CDC37L1: variants seen among roughly 807,000 people sequenced by gnomAD.
The protein encoded by CDC37L1 is cell division cycle 37 like 1, HSP90 cochaperone, also known as hsp90 co-chaperone Cdc37-like 1.
In CDC37L1, 32 loss-of-function variants were observed where a neutral mutation model predicts 45.9. That is an observed-to-expected ratio of 0.70 (90% confidence interval 0.53 to 0.94). CDC37L1 has a LOEUF of 0.94. Ranked by LOEUF, CDC37L1 falls within the 40% of genes least tolerant of loss-of-function variation. The pLI is 0.00. For synonymous variants in CDC37L1, 150 were observed against 133.0 expected (o/e 1.13, Z -0.88); for missense variants, 434 against 405.7 (o/e 1.07, Z -0.60).
At chr9:4,684,570 G>A (rs909410843) in intron 1 of CDC37L1, among the ~76,000 whole-genome samples, 1 of 152,172 alleles carries the variant, frequency 6.6e-6, no homozygotes, top group Non-Finnish European at 1.5e-5. Flanking sequence ...TATTCTGCTT[G>A]TTCAGGATTA....
At position 4,679,576 on chromosome 9, in the gene CDC37L1, C is replaced by T. The variant is rs898508898; in HGVS notation, c.-192C>T. On this transcript the variant is annotated 5_prime_UTR_variant, in exon 1 of 7. Coordinates refer to ENST00000381854, the MANE Select transcript of CDC37L1 (RefSeq NM_017913.4). ...GCACCGCGCCGACTATTTCTTCCGC[C>T]GTCCGCCGGTGGCGAGGCCCAGGCT... 2.7e-5 allele frequency: 14 copies of T among 517,722 alleles called. No individual in the cohort carries two copies. The highest frequency in any genetic ancestry group is 3.8e-5 in the Non-Finnish European group (11 of 288,956). The allele number at this position is 517,722 out of a possible 1,614,324, so 32.1% of individuals were successfully genotyped here.
chr9:4,693,373 G>T (rs567576614), intron 3 of CDC37L1, among the ~76,000 whole-genome samples: 1 of 152,162 alleles, frequency 6.6e-6, no homozygotes, highest in East Asian at 1.9e-4. Flanking sequence ...AGCCCAGGAG[G>T]TTGAGGCTGC....
At chr9:4,697,025 G>T (rs1841353948) in intron 3 of CDC37L1, 71 bp from the exon 4 acceptor site, 2 of 701,410 alleles carry the variant, frequency 2.9e-6, no homozygotes, top group African/African-American at 3.6e-5. Flanking sequence ...AATTAAGAAT[G>T]GTTGGTATTT....
intron 2 of CDC37L1, 175 bp downstream of exon 2, chr9:4,685,333 G>C (rs1407656069): frequency 5.3e-6 from 3 of 562,252 alleles, no homozygotes. Context: ...AGCTCTTGCT[G>C]TAGAGCTGCA....
intron 3 of CDC37L1, among the ~76,000 whole-genome samples, chr9:4,690,794 T>TA (rs1316326003): frequency 2.6e-5 from 4 of 152,214 alleles, no homozygotes; most frequent in African/African-American, 9.6e-5. Context: ...TCAAAGGAGA[T>TA]ATATTACTTG....
intron 2 of CDC37L1, among the ~76,000 whole-genome samples, chr9:4,686,584 C>G (rs560420577): frequency 6.6e-6 from 1 of 152,282 alleles, no homozygotes. Flanking sequence ...ACAGTGGTCA[C>G]AAAGAAAATA....
chr9:4,702,957 G>T (rs979270412), intron 6 of CDC37L1: 3 of 633,444 alleles, frequency 4.7e-6, no homozygotes, highest in Non-Finnish European at 6.9e-6. Flanking sequence ...TCAAAAAGGA[G>T]ACATGATCAG....
Position 4,679,661 on chromosome 9 carries a change from C to T in CDC37L1, c.-107C>T. On this transcript the variant is annotated 5_prime_UTR_variant, in exon 1 of 7. Transcript: ENST00000381854. ...AGGGATTCTGGGTAACGGCCCGGACCCCCGGCTGGGCTTCTGGCTCGGCGC... is the reference window on the plus strand; with the variant it reads ...AGGGATTCTGGGTAACGGCCCGGACTCCCGGCTGGGCTTCTGGCTCGGCGC... 9.3e-7 allele frequency: 1 copy of T among 1,072,856 alleles called. No homozygotes were observed. Among genetic ancestry groups the T allele is most frequent in the Non-Finnish European group, 1.3e-6 (1 of 766,338 alleles). 66.5% of individuals were successfully genotyped at this position (1,072,856 alleles called of 1,614,324 possible). A position where few individuals can be genotyped will look rare whatever the true frequency, so the allele number is the denominator to read the frequency against.
intron 3 of CDC37L1, among the ~76,000 whole-genome samples, chr9:4,696,218 T>C (rs373626703): frequency 3.3e-5 from 5 of 152,238 alleles, no homozygotes; most frequent in African/African-American, 1.2e-4. Context: ...GAATTAAATA[T>C]ATAGGAGTTC....
chr9:4,699,697 A>T (rs547376073), intron 5 of CDC37L1, among the ~76,000 whole-genome samples: 25 of 152,306 alleles, frequency 1.6e-4, no homozygotes, highest in African/African-American at 6.0e-4. Flanking sequence ...AATAATGATA[A>T]CCTCAGGGAG....
intron 3 of CDC37L1, among the ~76,000 whole-genome samples, chr9:4,695,110 G>T (rs147615678): frequency 1.6e-4 from 25 of 152,324 alleles, no homozygotes; most frequent in Admixed American, 4.6e-4. Flanking sequence ...AGGCAAAACT[G>T]CTTCATAGGA....
At chr9:4,681,402 C>G (rs560632463) in intron 1 of CDC37L1, among the ~76,000 whole-genome samples, 1 of 152,242 alleles carries the variant, frequency 6.6e-6, no homozygotes, top group East Asian at 1.9e-4. Flanking sequence ...GACTCCTAGT[C>G]CAGTATATTT....
At chr9:4,680,122 C>T (rs1841175939) in intron 1 of CDC37L1, among the ~76,000 whole-genome samples, 1 of 152,216 alleles carries the variant, frequency 6.6e-6, no homozygotes, top group African/African-American at 2.4e-5. Context: ...CCTCCACGCA[C>T]ATGTTTTCTT....
intron 4 of CDC37L1, 97 bp downstream of exon 4, chr9:4,697,308 T>C: frequency 1.5e-6 from 1 of 668,152 alleles, no homozygotes; most frequent in Non-Finnish European, 2.6e-6. Context: ...TTAAGTCCTT[T>C]AAAAGAAAGC....
chr9:4,697,253 A>G (rs760224663), intron 4 of CDC37L1, 42 bp downstream of exon 4: 2 of 872,868 alleles, frequency 2.3e-6, no homozygotes, highest in African/African-American at 1.7e-5. Context: ...ACCTTAGTGG[A>G]AATCTGATTT....
Position 4,682,368 on chromosome 9 carries a change from C to T in CDC37L1, c.132+2469C>T, listed in dbSNP as rs193094350. ...TTGAGATGGAGTCTCGCTGTGTCAC[C>T]CAGGCTGGAGTGCAGTGGTGCAATC... On this transcript the variant is annotated intron_variant, in intron 1 of 6. Transcript: ENST00000381854. Among the ~76,000 whole-genome samples the T allele has an allele frequency of 2.3e-3, 307 of 131,414 alleles. 3 individuals are homozygous for T. The highest frequency in any genetic ancestry group is 8.5e-3 in the Middle Eastern group (2 of 234). The allele number at this position is 131,414 out of a possible 152,430, so 86.2% of individuals were successfully genotyped here.
At chr9:4,704,480 C>G (rs1447150729) in intron 6 of CDC37L1, among the ~76,000 whole-genome samples, 2 of 152,160 alleles carry the variant, frequency 1.3e-5, no homozygotes, top group South Asian at 2.1e-4. Flanking sequence ...ATGATAGTAT[C>G]TTACAGTTCT....
intron 2 of CDC37L1, 75 bp from the exon 3 acceptor site, chr9:4,688,438 A>T: frequency 1.3e-6 from 1 of 796,096 alleles, no homozygotes; most frequent in Non-Finnish European, 1.9e-6. Context: ...AAGAATTGCT[A>T]GATATTCAGT....
intron 2 of CDC37L1, among the ~76,000 whole-genome samples, chr9:4,687,678 CAAAAAAAAAA>C (rs59932144): frequency 3.4e-5 from 2 of 58,410 alleles, no homozygotes; most frequent in African/African-American, 5.1e-5. Context: ...GACCCCATCT[CAAAAAAAAAA>C]AAAAAAAAAA....
Sources: gnomAD v4.1 joint callset for allele counts (sites outside exome capture counted in the v4.1 genomes callset) on GRCh38, gnomAD v4.1.1 for gene constraint, MANE v1.5 for transcripts, NCBI Gene and HGNC (gene_info 2026-07-23, HGNC 2026-07-21) for gene names.